The following AGL variants were observed in gnomAD, a reference collection of about 807,000 sequenced individuals.
AGL encodes the protein amylo-alpha-1,6-glucosidase and 4-alpha-glucanotransferase.
AGL carries 128 observed loss-of-function variants against 199.3 expected under a neutral mutation model. That is an observed-to-expected ratio of 0.64 (90% CI 0.56 to 0.74). The LOEUF (loss-of-function observed/expected upper bound fraction) is 0.74, where lower values mean the gene tolerates loss of function less well. Ranked by LOEUF, AGL falls within the 30% of genes least tolerant of loss-of-function variation. AGL has a pLI of 0.00. For missense variants in AGL, 1,809 were observed against 1,820.8 expected (o/e 0.99, Z 0.12); for synonymous variants, 584 against 594.7 (o/e 0.98, Z 0.26).
rs1294297593 is a variant in AGL at position 99,870,832 on chromosome 1, C to A, written c.921C>A (p.Asn307Lys). ...KLWEFFQVDV[N>K]KAVEQFRRLL... ...GGGAATTTTTCCAAGTAGATGTCAA[C>A]AAAGCGGTTGAGCAATTTAGAAGAC... Residue 307 changes from asparagine (N) to lysine (K), a missense_variant, in exon 7 of 34, where the codon AAC becomes AAA. Coordinates refer to ENST00000361915, the MANE Select transcript of AGL (RefSeq NM_000642.3). 1 of 1,610,366 alleles carries A rather than the reference C, an allele frequency of 6.2e-7. No homozygotes were observed. The highest frequency in any genetic ancestry group is 8.5e-7 in the Non-Finnish European group (1 of 1,176,956).
rs533280246 is a variant in AGL at position 99,881,063 on chromosome 1, T to G, written c.1900-13T>G. Reference sequence around the variant, plus strand: ...AGAAAGCAAACTTTTGCTTTGTTGTTGTTGTCTTCTAGCATAGATCAGCGT... The same window carrying G: ...AGAAAGCAAACTTTTGCTTTGTTGTGGTTGTCTTCTAGCATAGATCAGCGT... On this transcript the variant is annotated splice_polypyrimidine_tract_variant and intron_variant, in intron 14 of 33. Coordinates refer to ENST00000361915, the MANE Select transcript of AGL (RefSeq NM_000642.3). 1 of 1,607,678 alleles carries G rather than the reference T, an allele frequency of 6.2e-7. No individual in the cohort carries two copies. Among genetic ancestry groups the G allele is most frequent in the Non-Finnish European group, 8.5e-7 (1 of 1,174,276 alleles).
At chr1:99,857,579 G>A (rs545996997) in intron 2 of AGL, among the ~76,000 whole-genome samples, 1 of 151,990 alleles carries the variant, frequency 6.6e-6, no homozygotes, top group South Asian at 2.1e-4. Flanking sequence ...GGAGGCCGAG[G>A]CTGGTGGATC....
chr1:99,904,606 C>T (rs1255388413), intron 27 of AGL, among the ~76,000 whole-genome samples: 1 of 152,026 alleles, frequency 6.6e-6, no homozygotes, highest in Admixed American at 6.6e-5. Context: ...TTTATGGTCA[C>T]ACCTGACCAC....
chr1:99,910,048 T>G (rs2100846992), intron 27 of AGL, among the ~76,000 whole-genome samples: 1 of 152,370 alleles, frequency 6.6e-6, no homozygotes, highest in Middle Eastern at 3.4e-3. Flanking sequence ...ACTATATATG[T>G]CCTTTTGCAA....
intron 27 of AGL, 98 bp downstream of exon 27, chr1:99,902,892 G>A (rs375319540): frequency 4.3e-5 from 38 of 885,944 alleles, no homozygotes; most frequent in Middle Eastern, 4.4e-4. Flanking sequence ...CAAACCTCAC[G>A]ATATAATGAT....
At position 99,884,181 on chromosome 1, in the gene AGL, G is replaced by C; in HGVS notation, c.2370G>C (p.Arg790Ser). Residue 790 changes from arginine (R) to serine (S), a missense_variant, in exon 18 of 34, where the codon AGG becomes AGC. Transcript: ENST00000361915. ...TTGAGAGAAACACGAAACCTTATAGGAAGGATGAGAATTCAATCAATGGAA... is the reference window on the plus strand; with the variant it reads ...TTGAGAGAAACACGAAACCTTATAGCAAGGATGAGAATTCAATCAATGGAA... ...RTIERNTKPY[R>S]KDENSINGTP... 2.5e-6 allele frequency: 4 copies of C among 1,612,886 alleles called. No homozygotes were observed. Among genetic ancestry groups the C allele is most frequent in the Non-Finnish European group, 3.4e-6 (4 of 1,179,100 alleles).
At chr1:99,901,111 G>A (rs1412209485) in intron 26 of AGL, among the ~76,000 whole-genome samples, 1 of 152,008 alleles carries the variant, frequency 6.6e-6, no homozygotes, top group African/African-American at 2.4e-5. Flanking sequence ...AGGAAGTGTT[G>A]TGTAGTCTCT....
rs138134718 is a variant in AGL at position 99,910,775 on chromosome 1, A to C, written c.3764A>C (p.Asn1255Thr). The C allele has an allele frequency of 1.9e-6, 3 of 1,613,010 alleles. No individual in the cohort carries two copies. The Admixed American group carries it at 5.0e-5, about 27-fold the overall frequency. The change falls in exon 28 of 34, where the codon AAT becomes ACT. Residue 1255 changes from asparagine to threonine, a missense_variant. Asn to Thr is a moderately conservative substitution (Grantham distance 65). Coordinates refer to ENST00000361915, the MANE Select transcript of AGL (RefSeq NM_000642.3). ...TGFVYGGNRF[N>T]CGTWMDKMGE... ...TTTGTTTATGGAGGAAATCGTTTCAATTGTGGCACATGGATGGATAAAATG... is the reference window on the plus strand; with the variant it reads ...TTTGTTTATGGAGGAAATCGTTTCACTTGTGGCACATGGATGGATAAAATG...
At chr1:99,916,291 T>C (rs1483687336) in intron 31 of AGL, 119 bp from the exon 32 acceptor site, 4 of 802,818 alleles carry the variant, frequency 5.0e-6, no homozygotes, top group Non-Finnish European at 8.1e-6. Flanking sequence ...GCCGAGCTTA[T>C]TCTGTAGAAG....
At chr1:99,849,763 C>T (rs574671634), upstream of AGL, among the ~76,000 whole-genome samples, 1 of 152,316 alleles carries the variant, frequency 6.6e-6, no homozygotes, top group Admixed American at 6.5e-5. Flanking sequence ...AACAAAGAAA[C>T]AAAACACGTG....
chr1:99,913,160 C>T (rs895144144), intron 29 of AGL, among the ~76,000 whole-genome samples: 15 of 151,376 alleles, frequency 9.9e-5, no homozygotes, highest in Admixed American at 2.0e-4. Flanking sequence ...GCGGAGGTTG[C>T]GGTGAGCCAA....
chr1:99,896,294 C>T lies in AGL; in HGVS notation c.3268C>T (p.His1090Tyr). Residue 1090 changes from histidine (H) to tyrosine (Y), a missense_variant, in exon 25 of 34, where the codon CAT becomes TAT. Physicochemically the swap from His to Tyr is moderately conservative, Grantham distance 83 (BLOSUM62 2). Coordinates refer to ENST00000361915, the MANE Select transcript of AGL (RefSeq NM_000642.3). ...TGTGTTTTTTTTGTTAGGCTTACCT[C>T]ATTTTTCTTCTGGTATTTTCCGCTG... ...CCVSLAAGLP[H>Y]FSSGIFRCWG... 4 of 1,613,418 alleles carry T rather than the reference C, an allele frequency of 2.5e-6. No homozygotes were observed. In the East Asian group the frequency reaches 8.9e-5, roughly 36 times the overall value.
At chr1:99,864,245 A>G (rs1650313742) in intron 4 of AGL, 141 bp from the exon 5 acceptor site, 1 of 758,052 alleles carries the variant, frequency 1.3e-6, no homozygotes, top group Non-Finnish European at 2.2e-6. Context: ...ATTTGAACCC[A>G]AGTGTTTGAC....
chr1:99,877,925 T>TTGTGTCCAACTAGCAAA, intron 12 of AGL, 97 bp downstream of exon 12: 4 of 1,179,468 alleles, frequency 3.4e-6, no homozygotes, highest in Non-Finnish European at 5.0e-6. Flanking sequence ...TTCCTTTTGC[T>TTGTGTCCAACTAGCAAA]AGTTGGACAC....
chr1:99,874,652 TTTG>T, intron 7 of AGL, 32 bp from the exon 8 acceptor site: 5 of 1,586,978 alleles, frequency 3.2e-6, no homozygotes, highest in Non-Finnish European at 4.3e-6. Flanking sequence ...TTTGTAGATA[TTTG>T]CATTTAAGGT....
rs1654811795 is a variant in AGL, at chr1:99,912,413, C to G, written c.3845C>G (p.Ser1282Cys). Reference protein sequence around the residue: ...RGIPATPRDGSAVEIVGLSKS... With the variant: ...RGIPATPRDGCAVEIVGLSKS... ...ACGTTTTTTAATTTTAGAGATGGGT[C>G]TGCTGTGGAAATTGTGGGCCTGAGT... Residue 1282 changes from serine to cysteine, a missense_variant, in exon 29 of 34, where the codon TCT becomes TGT. Transcript: ENST00000361915. 3 of 1,613,670 alleles carry G rather than the reference C, an allele frequency of 1.9e-6. No homozygotes were observed. Among genetic ancestry groups the G allele is most frequent in the Non-Finnish European group, 2.5e-6 (3 of 1,179,736 alleles).
intron 8 of AGL, 101 bp from the exon 9 acceptor site, chr1:99,875,053 T>C: frequency 8.8e-7 from 1 of 1,138,950 alleles, no homozygotes; most frequent in Non-Finnish European, 1.3e-6. Flanking sequence ...GAAATCCCGA[T>C]GAATATATTT....
In AGL at chr1:99,897,970, G is replaced by T. The variant is rs946713657; in HGVS notation, c.3362+1582G>T. Among the ~76,000 whole-genome samples, 4 of 151,960 alleles carry T rather than the reference G, an allele frequency of 2.6e-5. No homozygotes were observed. The East Asian group carries it at 7.7e-4, about 29-fold the overall frequency. On this transcript the variant is annotated intron_variant, in intron 25 of 33. Transcript: ENST00000361915. ...AATTTGTGCTGCTTAATTTTACATA[G>T]AACTGTCTAGATTATTGGTTAGCAA... is the stretch of plus-strand genomic sequence containing the variant.
In AGL at chr1:99,888,062, C is replaced by G; in HGVS notation, c.2766C>G (p.Cys922Trp). ...AAGAAAAGGAAGATGGTGGAGGGTG[C>G]TATGACATACCAAACTGGTCAGCCC... ...ESEEKEDGGGCYDIPNWSALK... is the reference protein window; with the variant it reads ...ESEEKEDGGGWYDIPNWSALK... The change falls in exon 21 of 34, where the codon TGC (cysteine) becomes TGG (tryptophan). Residue 922 changes from cysteine (C) to tryptophan (W), a missense_variant. By Grantham distance (215) the Cys-to-Trp change is radical. Coordinates refer to ENST00000361915, the MANE Select transcript of AGL (RefSeq NM_000642.3). 6.2e-7 allele frequency: 1 copy of G among 1,613,472 alleles called. No individual in the cohort carries two copies. The highest frequency in any genetic ancestry group is 8.5e-7 in the Non-Finnish European group (1 of 1,179,652).
Sources: allele counts gnomAD v4.1 joint callset (sites outside exome capture counted in the v4.1 genomes callset), GRCh38; gene constraint gnomAD v4.1.1; transcripts MANE v1.5; gene names NCBI Gene and HGNC (gene_info 2026-07-23, HGNC 2026-07-21).